Variants in KCNIP1 observed in about 807,000 individuals in gnomAD.
The protein encoded by KCNIP1 is A-type potassium channel modulatory protein KCNIP1.
KCNIP1 carries 18 observed loss-of-function variants against 33.0 expected under a neutral mutation model. The ratio of observed to expected loss-of-function variants is 0.55; its 90% CI spans 0.38 to 0.81. KCNIP1 has a LOEUF of 0.81. Among genes scored for constraint, KCNIP1 ranks in the 30% least tolerant of loss-of-function variants. The pLI is 0.00. For synonymous variants in KCNIP1, 93 were observed against 98.3 expected (o/e 0.95, Z 0.32); for missense variants, 238 against 271.6 (o/e 0.88, Z 0.87).
intron 1 of KCNIP1, among the ~76,000 whole-genome samples, chr5:170,717,970 A>G (rs1299126876): frequency 6.6e-6 from 1 of 152,240 alleles, no homozygotes; most frequent in Non-Finnish European, 1.5e-5. Flanking sequence ...CTGTGATGGT[A>G]AAACGTTGAA....
upstream of KCNIP1, among the ~76,000 whole-genome samples, chr5:170,502,915 C>T (rs542602788): frequency 1.3e-5 from 2 of 152,242 alleles, no homozygotes; most frequent in East Asian, 3.9e-4. Context: ...GCTTTGAGTC[C>T]ACAGGCAGGG....
At chr5:170,410,385 T>G (rs13187477) in intron 1 of KCNIP1, among the ~76,000 whole-genome samples, 1 of 150,502 alleles carries the variant, frequency 6.6e-6, no homozygotes, top group East Asian at 2.0e-4. Context: ...GGGTCCCCCA[T>G]GCAGGGTATT....
chr5:170,395,492 A>G lies in KCNIP1; in HGVS notation c.88+41528A>G, dbSNP rs547276325. Among the ~76,000 whole-genome samples the G allele has an allele frequency of 3.3e-5, 5 of 152,362 alleles. No homozygotes were observed. The East Asian group carries it at 9.6e-4, about 29-fold the overall frequency. On this transcript the variant is annotated intron_variant, in intron 1 of 7. Transcript: ENST00000377360. ...CTTCCCTGCATGCTTGTTTGTGTTT[A>G]GCGGAAGGCAGAGTCCGCCTCTGCT...
chr5:170,579,444 G>A (rs1340342486), intron 1 of KCNIP1, among the ~76,000 whole-genome samples: 1 of 152,174 alleles, frequency 6.6e-6, no homozygotes, highest in Non-Finnish European at 1.5e-5. Flanking sequence ...GCCACAGGCA[G>A]GCCAGAAGAA....
At chr5:170,407,607 G>A (rs1755070612) in intron 1 of KCNIP1, among the ~76,000 whole-genome samples, 1 of 152,198 alleles carries the variant, frequency 6.6e-6, no homozygotes, top group South Asian at 2.1e-4. Flanking sequence ...ACTTTGGAAA[G>A]CATTGCCCTA....
intron 1 of KCNIP1, among the ~76,000 whole-genome samples, chr5:170,475,907 A>G (rs1177496149): frequency 6.6e-6 from 1 of 152,162 alleles, no homozygotes; most frequent in Non-Finnish European, 1.5e-5. Flanking sequence ...GAGGGGTGAC[A>G]AGTGGCCCAT....
intron 1 of KCNIP1, among the ~76,000 whole-genome samples, chr5:170,462,489 G>A (rs1381002097): frequency 6.6e-6 from 1 of 152,066 alleles, no homozygotes; most frequent in Non-Finnish European, 1.5e-5. Context: ...ATAGACACTG[G>A]CATGGATGTG....
intron 1 of KCNIP1, among the ~76,000 whole-genome samples, chr5:170,467,957 G>A (rs10071152): frequency 0.31 from 45,231 of 146,724 alleles, 7,609 homozygotes; most frequent in African/African-American, 0.45. Context: ...AAGTATAGAA[G>A]TATGGAATAG....
chr5:170,562,536 C>T (rs1006501004), intron 1 of KCNIP1, among the ~76,000 whole-genome samples: 2 of 152,184 alleles, frequency 1.3e-5, no homozygotes, highest in African/African-American at 4.8e-5. Context: ...GCCTCTCCTC[C>T]CTTGTCCAGT....
At chr5:170,447,582 T>C (rs992552956) in intron 1 of KCNIP1, among the ~76,000 whole-genome samples, 5 of 152,102 alleles carry the variant, frequency 3.3e-5, no homozygotes, top group Non-Finnish European at 7.4e-5. Flanking sequence ...GCATCCAGAA[T>C]TCAGCCTCAG....
intron 1 of KCNIP1, among the ~76,000 whole-genome samples, chr5:170,704,890 G>A (rs1332643764): frequency 6.6e-6 from 1 of 152,196 alleles, no homozygotes; most frequent in Non-Finnish European, 1.5e-5. Flanking sequence ...AATATAGAGA[G>A]GCAGCAGGGC....
intron 1 of KCNIP1, among the ~76,000 whole-genome samples, chr5:170,537,519 G>C (rs930750809): frequency 3.3e-5 from 5 of 152,144 alleles, no homozygotes; most frequent in African/African-American, 1.2e-4. Flanking sequence ...CCCTTGCCCT[G>C]GATGTTCTGT....
At chr5:170,540,381 G>T (rs1756154690) in intron 1 of KCNIP1, among the ~76,000 whole-genome samples, 1 of 152,210 alleles carries the variant, frequency 6.6e-6, no homozygotes, top group African/African-American at 2.4e-5. Context: ...CTAGAGCCCA[G>T]CATACTTACA....
At chr5:170,589,142 G>A (rs116586715) in intron 1 of KCNIP1, among the ~76,000 whole-genome samples, 1,659 of 152,024 alleles carry the variant, frequency 0.011, 16 homozygotes, top group Non-Finnish European at 0.013. Flanking sequence ...GGGACTACAG[G>A]TGCTGCCACC....
chr5:170,726,410 C>T (rs1283795545), intron 5 of KCNIP1, among the ~76,000 whole-genome samples: 1 of 152,058 alleles, frequency 6.6e-6, no homozygotes, highest in African/African-American at 2.4e-5. Context: ...CAAAGAAATG[C>T]AAATTATAAC....
At chr5:170,567,859 C>T (rs559166759) in intron 1 of KCNIP1, among the ~76,000 whole-genome samples, 2 of 152,232 alleles carry the variant, frequency 1.3e-5, no homozygotes, top group Non-Finnish European at 2.9e-5. Flanking sequence ...ACACGTCCCA[C>T]TGCAGGCAGG....
chr5:170,401,053 C>T (rs1204388824), intron 1 of KCNIP1, among the ~76,000 whole-genome samples: 1 of 152,214 alleles, frequency 6.6e-6, no homozygotes, highest in Non-Finnish European at 1.5e-5. Flanking sequence ...GAGGGCTCCC[C>T]TACCATCCTT....
Position 170,735,770 on chromosome 5 carries a change from C to T in KCNIP1, c.615C>T (p.Ile205=). Residue 205 remains isoleucine (I), a synonymous_variant, in exon 8 of 8, where the codon ATC becomes ATT. Transcript: ENST00000328939. ...TCCTTTTTTCCCAGGACGACAACAT[C>T]ATGAGGTCTCTCCAGCTGTTTCAAA... ...FLESCQEDDN[I]MRSLQLFQNV... is the part of the protein sequence containing the mutation. The T allele has an allele frequency of 6.2e-7, 1 of 1,614,066 alleles. No homozygotes were observed. The highest frequency in any genetic ancestry group is 8.5e-7 in the Non-Finnish European group (1 of 1,179,942).
Position 170,720,684 on chromosome 5 carries a change from G to A in KCNIP1, c.256+294G>A, listed in dbSNP as rs536308915. Among the ~76,000 whole-genome samples the A allele has an allele frequency of 1.2e-4, 18 of 152,284 alleles. No individual in the cohort carries two copies. In the South Asian group the frequency reaches 1.9e-3, roughly 16 times the overall value. ...ATCCCAGATGGAGTAACTGAGTTTCGGGGAAGATAAGCAGTGTACTCAAGA... is the reference window on the plus strand; with the variant it reads ...ATCCCAGATGGAGTAACTGAGTTTCAGGGAAGATAAGCAGTGTACTCAAGA... On this transcript the variant is annotated intron_variant, in intron 3 of 7. Transcript: ENST00000328939.
Sources: gnomAD v4.1 joint callset for allele counts (sites outside exome capture counted in the v4.1 genomes callset) on GRCh38, gnomAD v4.1.1 for gene constraint, MANE v1.5 for transcripts, NCBI Gene and HGNC (gene_info 2026-07-23, HGNC 2026-07-21) for gene names.